The following EPC2 variants were observed in gnomAD, a reference collection of about 807,000 sequenced individuals.
The protein encoded by EPC2 is enhancer of polycomb 2.
Under a neutral mutation model 92.1 loss-of-function variants are expected in EPC2, and 14 were observed. That is an observed-to-expected ratio of 0.15 (90% CI 0.10 to 0.24). The LOEUF (loss-of-function observed/expected upper bound fraction) is 0.24, where lower values mean the gene tolerates loss of function less well. Among genes scored for constraint, EPC2 ranks in the 10% least tolerant of loss-of-function variants. EPC2 has a pLI of 1.00. For missense variants in EPC2, 755 were observed against 971.5 expected, an observed-to-expected ratio of 0.78 and a Z score of 2.96; for synonymous variants, 340 against 334.7, an observed-to-expected ratio of 1.02 and a Z score of -0.17.
chr2:148,726,353 T>G (rs182497541), intron 2 of EPC2, among the ~76,000 whole-genome samples: 1 of 152,302 alleles, frequency 6.6e-6, no homozygotes, highest in East Asian at 1.9e-4. Context: ...CTATTTTAAA[T>G]TTTTTCAGAA....
At chr2:148,690,601 T>C (rs1681625916) in intron 2 of EPC2, among the ~76,000 whole-genome samples, 1 of 152,246 alleles carries the variant, frequency 6.6e-6, no homozygotes, top group Admixed American at 6.5e-5. Flanking sequence ...TATAGGATTT[T>C]GTATAGCACT....
chr2:148,696,044 C>T (rs924852802), intron 2 of EPC2, among the ~76,000 whole-genome samples: 4 of 152,188 alleles, frequency 2.6e-5, no homozygotes, highest in African/African-American at 4.8e-5. Context: ...GCAACCGTGT[C>T]CTATTCTTGG....
intron 10 of EPC2, among the ~76,000 whole-genome samples, chr2:148,780,516 A>G (rs1683726723): frequency 6.6e-6 from 1 of 152,182 alleles, no homozygotes; most frequent in Non-Finnish European, 1.5e-5. Context: ...CCTTTAGGTC[A>G]TATTGATTAG....
intron 1 of EPC2, among the ~76,000 whole-genome samples, chr2:148,662,102 C>G (rs1263573319): frequency 6.6e-6 from 1 of 152,192 alleles, no homozygotes; most frequent in Non-Finnish European, 1.5e-5. Flanking sequence ...AAATGCAAAT[C>G]AAAACTACAG....
rs555252386 is a variant in EPC2, at chr2:148,679,636, C to T, written c.154-10578C>T. 2.4e-4 allele frequency among the ~76,000 whole-genome samples: 36 copies of T among 152,188 alleles called. No individual in the cohort carries two copies. In the South Asian group the frequency reaches 3.3e-3, roughly 14 times the overall value. ...TGTTGTAGGTGTGTGGTTCTCACTG[C>T]CTTAGAGCAAAAGTTTGTTTTTTGA... On this transcript the variant is annotated intron_variant, in intron 1 of 13. Coordinates refer to ENST00000258484, the MANE Select transcript of EPC2 (RefSeq NM_015630.4).
chr2:148,689,588 T>C (rs1177112715), intron 1 of EPC2, among the ~76,000 whole-genome samples: 1 of 152,098 alleles, frequency 6.6e-6, no homozygotes, highest in Non-Finnish European at 1.5e-5. Flanking sequence ...TTATTGGGAA[T>C]GGGCCATTGT....
intron 2 of EPC2, among the ~76,000 whole-genome samples, chr2:148,698,717 A>C (rs1390834264): frequency 2.0e-5 from 2 of 101,388 alleles, no homozygotes; most frequent in Non-Finnish European, 4.0e-5. Flanking sequence ...TTTTTTGAGA[A>C]GCTGATTTTC....
rs769035545 is a variant in EPC2 at position 148,769,203 on chromosome 2, G to A, written c.1193G>A (p.Cys398Tyr). The change falls in exon 8 of 14, where the codon TGT becomes TAT. Residue 398 changes from cysteine to tyrosine, a missense_variant. Transcript: ENST00000258484. ...PEEENDPDGP[C>Y]AFRRRAGCQY... ...GAAGAAAATGATCCTGATGGTCCCT[G>A]TGCTTTCAGAAGGCGGGCAGGATGC... 7 of 1,612,534 alleles carry A rather than the reference G, an allele frequency of 4.3e-6. No homozygotes were observed. The Admixed American group carries it at 8.4e-5, about 19-fold the overall frequency.
intron 2 of EPC2, among the ~76,000 whole-genome samples, chr2:148,701,730 G>T (rs1054315834): frequency 1.3e-5 from 2 of 152,140 alleles, no homozygotes; most frequent in African/African-American, 4.8e-5. Context: ...GGATTGGGGT[G>T]ATGCTGACCT....
intron 1 of EPC2, among the ~76,000 whole-genome samples, chr2:148,667,547 T>C (rs1236938938): frequency 6.6e-6 from 1 of 152,218 alleles, no homozygotes; most frequent in Non-Finnish European, 1.5e-5. Flanking sequence ...ATTTTCTGCA[T>C]AGAGGATCAT....
At position 148,645,304 on chromosome 2, in the gene EPC2, C is replaced by T. The variant is rs1683771687; in HGVS notation, c.153+134C>T. On this transcript the variant is annotated intron_variant, in intron 1 of 13. Coordinates refer to ENST00000258484, the MANE Select transcript of EPC2 (RefSeq NM_015630.4). ...CCGCTCTAACGCACGGGACTCTACG[C>T]CGGCGGAGTAGCGTAAACCCTCTCG... 6.3e-6 allele frequency: 5 copies of T among 788,308 alleles called. No individual in the cohort carries two copies. The East Asian group carries it at 1.2e-4, about 19-fold the overall frequency. 48.8% of individuals were successfully genotyped at this position (788,308 alleles called of 1,614,324 possible).
intron 3 of EPC2, among the ~76,000 whole-genome samples, chr2:148,751,987 C>G (rs535768951): frequency 6.6e-6 from 1 of 152,074 alleles, no homozygotes; most frequent in Non-Finnish European, 1.5e-5. Context: ...GATATAAAGA[C>G]GGCTTTTAAC....
intron 2 of EPC2, among the ~76,000 whole-genome samples, chr2:148,699,578 T>G (rs1681832635): frequency 6.6e-6 from 1 of 152,242 alleles, no homozygotes; most frequent in African/African-American, 2.4e-5. Flanking sequence ...GCTTGATAGC[T>G]CATTTCTTTT....
At chr2:148,711,785 T>G (rs1682148342) in intron 2 of EPC2, among the ~76,000 whole-genome samples, 1 of 152,224 alleles carries the variant, frequency 6.6e-6, no homozygotes, top group Non-Finnish European at 1.5e-5. Context: ...ACATGCACAT[T>G]AGGGATTGTT....
intron 1 of EPC2, among the ~76,000 whole-genome samples, chr2:148,686,772 T>G (rs1006086830): frequency 1.3e-5 from 2 of 152,216 alleles, no homozygotes; most frequent in African/African-American, 4.8e-5. Flanking sequence ...AAACTAATTT[T>G]TTTTTCCCTG....
intron 2 of EPC2, among the ~76,000 whole-genome samples, chr2:148,739,813 C>T (rs6734777): frequency 0.13 from 18,578 of 138,190 alleles, 1,895 homozygotes; most frequent in East Asian, 0.43. Flanking sequence ...TTTCTTTCTT[C>T]CTTTTCTTTT....
At chr2:148,685,176 A>G (rs1011751834) in intron 1 of EPC2, among the ~76,000 whole-genome samples, 8 of 152,272 alleles carry the variant, frequency 5.3e-5, no homozygotes, top group Admixed American at 3.3e-4. Flanking sequence ...ATTTTGTCAT[A>G]AATTTATTAA....
intron 1 of EPC2, among the ~76,000 whole-genome samples, chr2:148,679,083 A>G (rs1681338368): frequency 6.6e-6 from 1 of 152,250 alleles, no homozygotes; most frequent in Non-Finnish European, 1.5e-5. Flanking sequence ...CATATATTAA[A>G]GATGTATTTT....
intron 2 of EPC2, among the ~76,000 whole-genome samples, chr2:148,728,803 C>T (rs561076713): frequency 4.0e-5 from 6 of 150,610 alleles, no homozygotes; most frequent in African/African-American, 4.9e-5. Flanking sequence ...GAGGCCAAGG[C>T]GGGCAGATCA....
Sources: allele counts gnomAD v4.1 joint callset (sites outside exome capture counted in the v4.1 genomes callset), GRCh38; gene constraint gnomAD v4.1.1; transcripts MANE v1.5; gene names NCBI Gene and HGNC (gene_info 2026-07-23, HGNC 2026-07-21).